L2HGDH: variants seen among roughly 807,000 people sequenced by gnomAD.
The protein encoded by L2HGDH is L-2-hydroxyglutarate dehydrogenase, also known as L-2-hydroxyglutarate dehydrogenase, mitochondrial.
A neutral mutation model predicts 51.5 loss-of-function variants in L2HGDH; 34 were observed. The ratio of observed to expected loss-of-function variants is 0.66; its 90% confidence interval spans 0.50 to 0.88. L2HGDH has a LOEUF of 0.88. L2HGDH is among the 40% of genes least tolerant of loss of function. L2HGDH has a pLI of 0.00. For synonymous variants in L2HGDH, 198 were observed against 197.9 expected (o/e 1.00, Z -0.01); for missense variants, 558 against 571.9 (o/e 0.98, Z 0.25).
At chr14:50,273,172 A>C (rs1332003928) in intron 6 of L2HGDH, among the ~76,000 whole-genome samples, 1 of 152,252 alleles carries the variant, frequency 6.6e-6, no homozygotes, top group Admixed American at 6.5e-5. Context: ...GGACCACTCC[A>C]AAACAGTTTC....
chr14:50,267,070 A>G (rs1889376045), intron 8 of L2HGDH, among the ~76,000 whole-genome samples: 1 of 152,148 alleles, frequency 6.6e-6, no homozygotes, highest in Non-Finnish European at 1.5e-5. Flanking sequence ...CCCACCAAAT[A>G]AAACTGGAAA....
At chr14:50,254,952 G>A (rs1030971269) in intron 9 of L2HGDH, among the ~76,000 whole-genome samples, 1 of 151,924 alleles carries the variant, frequency 6.6e-6, no homozygotes, top group Non-Finnish European at 1.5e-5. Flanking sequence ...AGGCAGAGGT[G>A]GGAGGATCCC....
chr14:50,306,740 T>C (rs1442213375), intron 1 of L2HGDH, among the ~76,000 whole-genome samples: 3 of 152,060 alleles, frequency 2.0e-5, no homozygotes, highest in African/African-American at 7.2e-5. Context: ...GTGGGGCATG[T>C]AGACAGTTCT....
intron 9 of L2HGDH, among the ~76,000 whole-genome samples, chr14:50,259,173 A>C (rs959869830): frequency 2.0e-5 from 3 of 151,234 alleles, no homozygotes; most frequent in African/African-American, 7.3e-5. Context: ...TTTTTTAGAC[A>C]TGTTGTCTTG....
intron 3 of L2HGDH, among the ~76,000 whole-genome samples, chr14:50,300,872 T>C (rs2030367767): frequency 6.6e-6 from 1 of 152,108 alleles, no homozygotes. Flanking sequence ...TTGCCCAGGC[T>C]GAAGTGCAGT....
chr14:50,265,475 A>C lies in L2HGDH; in HGVS notation c.1079T>G (p.Leu360Arg). The C allele has an allele frequency of 6.2e-7, 1 of 1,613,152 alleles. No individual in the cohort carries two copies. Among genetic ancestry groups the C allele is most frequent in the Non-Finnish European group, 8.5e-7 (1 of 1,179,404 alleles). ...TCCATAGGAAAAATTCTGGGATGCC[A>C]GTTTAATCAAGCCACTGAAAACAGA... is the stretch of plus-strand genomic sequence containing the variant. ...DIIINSGLIKLASQNFSYGVT... is the reference protein window; with the variant it reads ...DIIINSGLIKRASQNFSYGVT... Residue 360 changes from leucine to arginine, a missense_variant, in exon 9 of 10, where the codon CTG becomes CGG. By Grantham distance (102) the Leu-to-Arg change is moderately radical (BLOSUM62 -2). Coordinates refer to ENST00000267436, the MANE Select transcript of L2HGDH (RefSeq NM_024884.3).
chr14:50,288,988 A>G (rs138191262), intron 4 of L2HGDH, among the ~76,000 whole-genome samples: 340 of 152,342 alleles, frequency 2.2e-3, no homozygotes, highest in African/African-American at 7.6e-3. Flanking sequence ...TAGATAAGAA[A>G]CAGAAAGTGG....
intron 1 of L2HGDH, among the ~76,000 whole-genome samples, chr14:50,309,294 G>T (rs2030913377): frequency 6.6e-6 from 1 of 152,194 alleles, no homozygotes; most frequent in Non-Finnish European, 1.5e-5. Context: ...CGGGTGCAGT[G>T]GCTCATGCCT....
At chr14:50,257,949 G>A (rs527271952) in intron 9 of L2HGDH, among the ~76,000 whole-genome samples, 136 of 151,276 alleles carry the variant, frequency 9.0e-4, no homozygotes, top group Non-Finnish European at 1.5e-3. Flanking sequence ...GACTTTATCT[G>A]TGGGAATCAT....
intron 4 of L2HGDH, among the ~76,000 whole-genome samples, chr14:50,285,710 C>T (rs1183815635): frequency 8.5e-5 from 13 of 152,166 alleles, no homozygotes; most frequent in Non-Finnish European, 5.9e-5. Context: ...CTTCCTTATT[C>T]ATCTTATGCT....
intron 4 of L2HGDH, among the ~76,000 whole-genome samples, chr14:50,292,192 A>C (rs1288364043): frequency 6.6e-6 from 1 of 152,248 alleles, no homozygotes. Flanking sequence ...GGAGGGATAT[A>C]TGAAGTTCAA....
rs1595104782 is a variant in L2HGDH at position 50,278,529 on chromosome 14, C to T, written c.729G>A (p.Lys243=). 6.7e-7 allele frequency: 1 copy of T among 1,494,762 alleles called. No individual in the cohort carries two copies. Among genetic ancestry groups the T allele is most frequent in the Non-Finnish European group, 9.3e-7 (1 of 1,079,194 alleles). 92.6% of individuals were successfully genotyped at this position (1,494,762 alleles called of 1,614,324 possible). The change falls in exon 6 of 10, where the codon AAG becomes AAA. Residue 243 remains lysine (K), a synonymous_variant. Transcript: ENST00000267436. ...GCTTAAGAATCTTTACCTTTGTATT[C>T]TTTATAACAATTGGATATTGCATTC... ...IDGMQYPIVI[K]NTKGEEIRCQ... is the part of the protein sequence containing the mutation.
chr14:50,242,530 T>A lies in L2HGDH; in HGVS notation c.*4528A>T, dbSNP rs1038860381. On this transcript the variant is annotated 3_prime_UTR_variant, in exon 10 of 10. Coordinates refer to ENST00000267436, the MANE Select transcript of L2HGDH (RefSeq NM_024884.3). ...ACAACAACAAACCCACAATACTTTC[T>A]AGGATTTGAGGCCAGAAAAGTAGAG... The A allele has an allele frequency of 3.0e-6, 3 of 984,120 alleles. No individual in the cohort carries two copies. In the South Asian group the frequency reaches 1.4e-4, roughly 46 times the overall value. 61.0% of individuals were successfully genotyped at this position (984,120 alleles called of 1,614,324 possible).
At chr14:50,249,366 A>G (rs906758224) in intron 9 of L2HGDH, among the ~76,000 whole-genome samples, 1 of 152,122 alleles carries the variant, frequency 6.6e-6, no homozygotes, top group African/African-American at 2.4e-5. Flanking sequence ...CCATCCCCCA[A>G]ACAAAGGCAG....
chr14:50,270,709 T>C (rs1467736011), intron 6 of L2HGDH, among the ~76,000 whole-genome samples: 1 of 152,114 alleles, frequency 6.6e-6, no homozygotes, highest in Non-Finnish European at 1.5e-5. Context: ...GGTTTCACCG[T>C]GTTAGCCAGG....
intron 9 of L2HGDH, among the ~76,000 whole-genome samples, chr14:50,259,544 A>G (rs1466543140): frequency 6.6e-6 from 1 of 151,196 alleles, no homozygotes; most frequent in African/African-American, 2.4e-5. Flanking sequence ...ATTCTTAAAA[A>G]TTATCCAGGT....
chr14:50,304,562 G>A (rs766501886), intron 1 of L2HGDH, among the ~76,000 whole-genome samples: 38 of 152,300 alleles, frequency 2.5e-4, no homozygotes, highest in Non-Finnish European at 4.6e-4. Flanking sequence ...AGGGCCGGGC[G>A]TGGTGGCTCA....
In L2HGDH at chr14:50,243,486, TTAAAA is replaced by T. The variant is rs1887875618; in HGVS notation, c.*3567_*3571del. 1 of 755,234 alleles carries T rather than the reference TTAAAA, an allele frequency of 1.3e-6. No individual in the cohort carries two copies. The highest frequency in any genetic ancestry group is 1.9e-5 in the African/African-American group (1 of 52,716). The allele number at this position is 755,234 out of a possible 1,614,324, so 46.8% of individuals were successfully genotyped here. On this transcript the variant is annotated 3_prime_UTR_variant, in exon 10 of 10. Transcript: ENST00000267436. The stretch of plus-strand genomic sequence containing the variant: ...ATGTTCTCTACAACACCAAGGCTCA[TTAAAA>T]TATTTTAAATATTAATATACATTTC...
intron 1 of L2HGDH, among the ~76,000 whole-genome samples, chr14:50,308,904 T>G (rs1051619376): frequency 6.6e-6 from 1 of 152,194 alleles, no homozygotes; most frequent in Non-Finnish European, 1.5e-5. Flanking sequence ...TTGTGATGTA[T>G]CCATACCATG....
Sources: gnomAD v4.1 joint callset for allele counts (sites outside exome capture counted in the v4.1 genomes callset) on GRCh38, gnomAD v4.1.1 for gene constraint, MANE v1.5 for transcripts, NCBI Gene and HGNC (gene_info 2026-07-23, HGNC 2026-07-21) for gene names.